The following UBQLN3 variants were observed in gnomAD, a reference collection of about 807,000 sequenced individuals.
UBQLN3 encodes ubiquilin-3.
In UBQLN3, 1 loss-of-function variant was observed where a neutral mutation model predicts 2.9. The ratio of observed to expected loss-of-function variants is 0.35; its 90% CI spans 0.12 to 1.66. The LOEUF (loss-of-function observed/expected upper bound fraction) is 1.66, where lower values mean the gene tolerates loss of function less well. UBQLN3 is among the 40% of genes most tolerant of loss of function. The pLI is 0.35. For missense variants in UBQLN3, 924 were observed against 816.5 expected (o/e 1.13, Z -1.61); for synonymous variants, 358 against 317.6 (o/e 1.13, Z -1.35).
At position 5,509,158 on chromosome 11, in the gene UBQLN3, A is replaced by G. The variant is rs1184750450; in HGVS notation, c.401T>C (p.Leu134Ser). Reference sequence around the variant, plus strand: ...CCTACTGAGGCCTGTGAGGAGACCTAAGCTAAAGGCAGGGGGCCCATCTGC... The same window carrying G: ...CCTACTGAGGCCTGTGAGGAGACCTGAGCTAAAGGCAGGGGGCCCATCTGC... ...YPADGPPAFS[L>S]GLLTGLSRLG... The change falls in exon 2 of 2, where the codon TTA becomes TCA. Residue 134 changes from leucine (L) to serine (S), a missense_variant. Coordinates refer to ENST00000311659, the MANE Select transcript of UBQLN3 (RefSeq NM_017481.4). The G allele has an allele frequency of 1.9e-6, 3 of 1,614,012 alleles. No homozygotes were observed. Among genetic ancestry groups the G allele is most frequent in the Non-Finnish European group, 2.5e-6 (3 of 1,179,934 alleles).
Position 5,509,607 on chromosome 11 carries a change from G to A in UBQLN3, c.-36-13C>T, listed in dbSNP as rs756540487. ...TGTGGGGACACAGCTAGGGGCATGG[G>A]GATTGGAGACCAAGATCATCCTTTC... is the stretch of plus-strand genomic sequence containing the variant. On this transcript the variant is annotated splice_polypyrimidine_tract_variant and intron_variant, in intron 1 of 1. Transcript: ENST00000311659. The A allele has an allele frequency of 6.4e-7, 1 of 1,564,304 alleles. No individual in the cohort carries two copies. The highest frequency in any genetic ancestry group is 2.0e-5 in the Admixed American group (1 of 51,194).
In UBQLN3 at chr11:5,509,028, G is replaced by C. The variant is rs1416557582; in HGVS notation, c.531C>G (p.Ile177Met). The change falls in exon 2 of 2, where the codon ATC (isoleucine) becomes ATG (methionine). Residue 177 changes from isoleucine to methionine, a missense_variant. Transcript: ENST00000311659. ...FVTQLIDDPF[I>M]PGLLSNTGLV... ...GGCCTGTGTTGGACAGCAGACCCGG[G>C]ATGAAGGGGTCATCAATGAGCTGAG... The C allele has an allele frequency of 6.2e-7, 1 of 1,614,174 alleles. No homozygotes were observed. The highest frequency in any genetic ancestry group is 8.5e-7 in the Non-Finnish European group (1 of 1,180,006).
In UBQLN3 at chr11:5,507,933, T is replaced by G. The variant is rs140594143; in HGVS notation, c.1626A>C (p.Leu542=). The change falls in exon 2 of 2, where the codon CTA becomes CTC. Residue 542 remains leucine (L), a synonymous_variant. Coordinates refer to ENST00000311659, the MANE Select transcript of UBQLN3 (RefSeq NM_017481.4). Reference sequence around the variant, plus strand: ...CTGCTAGGCAAGGCATGAACCAGAGTAGGAGGCGAGGTGCTTCAGTAGCTA... The same window carrying G: ...CTGCTAGGCAAGGCATGAACCAGAGGAGGAGGCGAGGTGCTTCAGTAGCTA... ...QVLATEAPRL[L]LWFMPCLAGT... 4.1e-4 allele frequency: 657 copies of G among 1,613,792 alleles called. 1 individual carries two copies. The highest frequency in any genetic ancestry group is 2.8e-3 in the Admixed American group (170 of 60,016).
Position 5,507,836 on chromosome 11 carries a change from G to A in UBQLN3, c.1723C>T (p.Pro575Ser). The A allele has an allele frequency of 6.2e-7, 1 of 1,613,944 alleles. No homozygotes were observed. Among genetic ancestry groups the A allele is most frequent in the Non-Finnish European group, 8.5e-7 (1 of 1,180,016 alleles). Residue 575 changes from proline to serine, a missense_variant, in exon 2 of 2, where the codon CCA (proline) becomes TCA (serine). By Grantham distance (74) the Pro-to-Ser change is moderately conservative. Transcript: ENST00000311659. The part of the protein sequence containing the change: ...PLMSEDPLPN[P>S]PPEVFPALDS... Reference sequence around the variant, plus strand: ...AGTGCTGGGAACACCTCAGGAGGTGGATTTGGGAGAGGATCCTCAGACATA... The same window carrying A: ...AGTGCTGGGAACACCTCAGGAGGTGAATTTGGGAGAGGATCCTCAGACATA...
At position 5,508,621 on chromosome 11, in the gene UBQLN3, G is replaced by A. The variant is rs1271669200; in HGVS notation, c.938C>T (p.Ser313Leu). 6.2e-7 allele frequency: 1 copy of A among 1,614,084 alleles called. No individual in the cohort carries two copies. Among genetic ancestry groups the A allele is most frequent in the Admixed American group, 1.7e-5 (1 of 60,014 alleles). The change falls in exon 2 of 2, where the codon TCA becomes TTA. Residue 313 changes from serine to leucine, a missense_variant. Ser to Leu is a moderately radical substitution (Grantham distance 145). Coordinates refer to ENST00000311659, the MANE Select transcript of UBQLN3 (RefSeq NM_017481.4). The surrounding 1 kb of genome is among the most constrained non-coding windows in gnomAD (Gnocchi z 4.2). ...PNPWTSTHGG[S>L]GSRQGRQDGD... ...ATCCTGCCTTCCTTGCCTGCTACCT[G>A]AGCCTCCATGTGTGGAAGTCCAGGG...
chr11:5,508,547 C>G lies in UBQLN3; in HGVS notation c.1012G>C (p.Gly338Arg), dbSNP rs554176915. The change falls in exon 2 of 2, where the codon GGT becomes CGT. Residue 338 changes from glycine (G) to arginine (R), a missense_variant. Coordinates refer to ENST00000311659, the MANE Select transcript of UBQLN3 (RefSeq NM_017481.4). The surrounding 1 kb of genome is among the most constrained non-coding windows in gnomAD (Gnocchi z 4.2). ...DIRNRFPNFL[G>R]IIRLYDYLQQ... ...AGATAGTCATAGAGCCTTATAATACCCAGAAAGTTTGGAAACCTATTTCTA... is the reference window on the plus strand; with the variant it reads ...AGATAGTCATAGAGCCTTATAATACGCAGAAAGTTTGGAAACCTATTTCTA... 5 of 1,614,096 alleles carry G rather than the reference C, an allele frequency of 3.1e-6. No homozygotes were observed. The Admixed American group carries it at 8.3e-5, about 27-fold the overall frequency.
rs566202764 is a variant in UBQLN3 at position 5,509,182 on chromosome 11, G to C, written c.377C>G (p.Ala126Gly). The change falls in exon 2 of 2, where the codon GCA becomes GGA. Residue 126 changes from alanine to glycine, a missense_variant. Physicochemically the swap from Ala to Gly is moderately conservative, Grantham distance 60 (BLOSUM62 0). Coordinates refer to ENST00000311659, the MANE Select transcript of UBQLN3 (RefSeq NM_017481.4). ...SLPQPSSIYP[A>G]DGPPAFSLGL... ...TAAGCTAAAGGCAGGGGGCCCATCT[G>C]CTGGGTAAATGGAGCTTGGCTGAGG... 2 of 1,613,950 alleles carry C rather than the reference G, an allele frequency of 1.2e-6. No individual in the cohort carries two copies. The highest frequency in any genetic ancestry group is 2.2e-5 in the South Asian group (2 of 91,068).
At position 5,508,241 on chromosome 11, in the gene UBQLN3, T is replaced by C. The variant is rs768558010; in HGVS notation, c.1318A>G (p.Asn440Asp). The change falls in exon 2 of 2, where the codon AAC becomes GAC. Residue 440 changes from asparagine to aspartate, a missense_variant. Coordinates refer to ENST00000311659, the MANE Select transcript of UBQLN3 (RefSeq NM_017481.4). The surrounding 1 kb of genome is among the most constrained non-coding windows in gnomAD (Gnocchi z 4.2). Reference protein sequence around the residue: ...AGKSSTGHSTNLPDLVSGLGD... With the variant: ...AGKSSTGHSTDLPDLVSGLGD... ...AGCCCCGAGACAAGATCAGGCAAGT[T>C]TGTGCTATGTCCAGTAGAGCTTTTC... is the stretch of plus-strand genomic sequence containing the variant. 6 of 1,613,870 alleles carry C rather than the reference T, an allele frequency of 3.7e-6. No individual in the cohort carries two copies. The East Asian group carries it at 1.1e-4, about 30-fold the overall frequency.
At position 5,509,235 on chromosome 11, in the gene UBQLN3, A is replaced by G. The variant is rs1187275349; in HGVS notation, c.324T>C (p.Pro108=). ...MGNECPAASV[P]TQGPSPGSLP... is the part of the protein sequence containing the mutation. ...GTGATCCAGGACTTGGGCCCTGGGTAGGGACAGAGGCAGCTGGGCACTCAT... is the reference window on the plus strand; with the variant it reads ...GTGATCCAGGACTTGGGCCCTGGGTGGGGACAGAGGCAGCTGGGCACTCAT... Residue 108 remains proline (P), a synonymous_variant, in exon 2 of 2, where the codon CCT becomes CCC. Coordinates refer to ENST00000311659, the MANE Select transcript of UBQLN3 (RefSeq NM_017481.4). 6.2e-7 allele frequency: 1 copy of G among 1,614,030 alleles called. No individual in the cohort carries two copies.
rs751407564 is a variant in UBQLN3 at position 5,508,881 on chromosome 11, G to GT, written c.677dup (p.Asn226LysfsTer11). On this transcript the variant is annotated frameshift_variant, in exon 2 of 2. Transcript: ENST00000311659. LOFTEE classifies it low-confidence loss of function (END_TRUNC). This position sits in a 1 kb window ranked among gnomAD's most constrained non-coding sequence, Gnocchi z 4.2. ...GTATCATCTCCTGCATCATGGCAGG[G>GT]TTACGTAAAAACTCCAGTGTCTGCC... 4 of 1,614,198 alleles carry GT rather than the reference G, an allele frequency of 2.5e-6. No homozygotes were observed. Among genetic ancestry groups the GT allele is most frequent in the Middle Eastern group, 1.6e-4 (1 of 6,062 alleles).
In UBQLN3 at chr11:5,507,789, G is replaced by A; in HGVS notation, c.1770C>T (p.Phe590=). 1.2e-6 allele frequency: 2 copies of A among 1,614,064 alleles called. No individual in the cohort carries two copies. Among genetic ancestry groups the A allele is most frequent in the Non-Finnish European group, 1.7e-6 (2 of 1,179,998 alleles). Reference sequence around the variant, plus strand: ...GCATATGGAGAAAGGGAGGGGAAAGGAAGCCCAGCTCTGCAGAGTCCAGTG... The same window carrying A: ...GCATATGGAGAAAGGGAGGGGAAAGAAAGCCCAGCTCTGCAGAGTCCAGTG... ...FPALDSAELG[F]LSPPFLHMLQ... The change falls in exon 2 of 2, where the codon TTC becomes TTT. Residue 590 remains phenylalanine (F), a synonymous_variant. Coordinates refer to ENST00000311659, the MANE Select transcript of UBQLN3 (RefSeq NM_017481.4).
Position 5,508,770 on chromosome 11 carries a change from G to T in UBQLN3, c.789C>A (p.Asp263Glu). ...VLCTMYTDIM[D>E]PMLNAVQEQF... is the part of the protein sequence containing the mutation. ...GCTCCTGGACTGCGTTAAGCATTGG[G>T]TCCATAATATCTGTGTACATAGTGC... The change falls in exon 2 of 2, where the codon GAC (aspartate) becomes GAA (glutamate). Residue 263 changes from aspartate (D) to glutamate (E), a missense_variant. Physicochemically the swap from Asp to Glu is conservative, Grantham distance 45 (BLOSUM62 2). Coordinates refer to ENST00000311659, the MANE Select transcript of UBQLN3 (RefSeq NM_017481.4). This position sits in a 1 kb window ranked among gnomAD's most constrained non-coding sequence, Gnocchi z 4.2. 6.2e-7 allele frequency: 1 copy of T among 1,614,092 alleles called. No individual in the cohort carries two copies. Among genetic ancestry groups the T allele is most frequent in the Non-Finnish European group, 8.5e-7 (1 of 1,180,030 alleles).
rs762207092 is a variant in UBQLN3 at position 5,507,668 on chromosome 11, G to C, written c.1891C>G (p.Arg631Gly). ...ATGAGGGCCTGAAGATTGGCTTCACGATTCAGAAAGCCCATGGACCGCAGT... is the reference window on the plus strand; with the variant it reads ...ATGAGGGCCTGAAGATTGGCTTCACCATTCAGAAAGCCCATGGACCGCAGT... ...EQLRSMGFLNREANLQALIAT... is the reference protein window; with the variant it reads ...EQLRSMGFLNGEANLQALIAT... The change falls in exon 2 of 2, where the codon CGT (arginine) becomes GGT (glycine). Residue 631 changes from arginine to glycine, a missense_variant. Physicochemically the swap from Arg to Gly is moderately radical, Grantham distance 125. Transcript: ENST00000311659. The C allele has an allele frequency of 2.5e-6, 4 of 1,613,954 alleles. No individual in the cohort carries two copies. Among genetic ancestry groups the C allele is most frequent in the Admixed American group, 3.3e-5 (2 of 59,996 alleles).
rs1372778693 is a variant in UBQLN3, at chr11:5,509,569, G to A, written c.-11C>T. On this transcript the variant is annotated 5_prime_UTR_variant, in exon 2 of 2. Coordinates refer to ENST00000311659, the MANE Select transcript of UBQLN3 (RefSeq NM_017481.4). ...TCCACCTTTGGCCATGGTGGCAGCA[G>A]GAGGCCCAGATCTGTGGGGACACAG... 4 of 1,609,236 alleles carry A rather than the reference G, an allele frequency of 2.5e-6. No homozygotes were observed. The highest frequency in any genetic ancestry group is 3.4e-6 in the Non-Finnish European group (4 of 1,177,512).
Position 5,508,862 on chromosome 11 carries a change from T to G in UBQLN3, c.697A>C (p.Met233Leu), listed in dbSNP as rs867072421. 12 of 1,614,150 alleles carry G rather than the reference T, an allele frequency of 7.4e-6. No individual in the cohort carries two copies. Among genetic ancestry groups the G allele is most frequent in the Non-Finnish European group, 1.7e-6 (2 of 1,180,030 alleles). ...AGCACCCGGTCCTGGCTACGTATCA[T>G]CTCCTGCATCATGGCAGGGTTACGT... ...FLRNPAMMQE[M>L]IRSQDRVLSN... The change falls in exon 2 of 2, where the codon ATG becomes CTG. Residue 233 changes from methionine (M) to leucine (L), a missense_variant. Transcript: ENST00000311659. The surrounding 1 kb of genome is among the most constrained non-coding windows in gnomAD (Gnocchi z 4.2).
Position 5,507,808 on chromosome 11 carries a change from T to C in UBQLN3, c.1751A>G (p.Asp584Gly). 6.2e-7 allele frequency: 1 copy of C among 1,613,902 alleles called. No individual in the cohort carries two copies. The highest frequency in any genetic ancestry group is 8.5e-7 in the Non-Finnish European group (1 of 1,179,988). The change falls in exon 2 of 2, where the codon GAC (aspartate) becomes GGC (glycine). Residue 584 changes from aspartate (D) to glycine (G), a missense_variant. Physicochemically the swap from Asp to Gly is moderately conservative, Grantham distance 94 (BLOSUM62 -1). Transcript: ENST00000311659. ...GGAAAGGAAGCCCAGCTCTGCAGAG[T>C]CCAGTGCTGGGAACACCTCAGGAGG... is the stretch of plus-strand genomic sequence containing the variant. ...NPPPEVFPAL[D>G]SAELGFLSPP...
chr11:5,508,528 T>A lies in UBQLN3; in HGVS notation c.1031A>T (p.Asp344Val). Residue 344 changes from aspartate (D) to valine (V), a missense_variant, in exon 2 of 2, where the codon GAC (aspartate) becomes GTC (valine). By Grantham distance (152) the Asp-to-Val change is radical (BLOSUM62 -3). Transcript: ENST00000311659. This position sits in a 1 kb window ranked among gnomAD's most constrained non-coding sequence, Gnocchi z 4.2. ...GTTCTCGTGTAATTGCTGGAGATAG[T>A]CATAGAGCCTTATAATACCCAGAAA... ...PNFLGIIRLY[D>V]YLQQLHENPQ... is the part of the protein sequence containing the mutation. The A allele has an allele frequency of 1.2e-6, 2 of 1,614,084 alleles. No homozygotes were observed. The highest frequency in any genetic ancestry group is 1.3e-5 in the African/African-American group (1 of 75,010).
Position 5,507,695 on chromosome 11 carries a change from G to A in UBQLN3, c.1864C>T (p.Gln622Ter). 1 of 1,614,118 alleles carries A rather than the reference G, an allele frequency of 6.2e-7. No homozygotes were observed. ...TTCAGAAAGCCCATGGACCGCAGTT[G>A]CTCCAGCTGCACCTGAAAGTGAGCC... Reference protein sequence around the residue: ...PEAHFQVQLEQLRSMGFLNRE... With the variant: ...PEAHFQVQLE The change falls in exon 2 of 2, where the codon CAA becomes TAA. Residue 622 changes from glutamine (Q) to a stop codon, truncating the protein, a stop_gained. Transcript: ENST00000311659. LOFTEE classifies it high-confidence loss of function.
Position 5,508,558 on chromosome 11 carries a change from G to A in UBQLN3, c.1001C>T (p.Pro334Leu). Residue 334 changes from proline (P) to leucine (L), a missense_variant, in exon 2 of 2, where the codon CCA becomes CTA. Coordinates refer to ENST00000311659, the MANE Select transcript of UBQLN3 (RefSeq NM_017481.4). This position sits in a 1 kb window ranked among gnomAD's most constrained non-coding sequence, Gnocchi z 4.2. ...QDAPDIRNRF[P>L]NFLGIIRLYD... ...GAGCCTTATAATACCCAGAAAGTTT[G>A]GAAACCTATTTCTAATGTCAGGTGC... 6.2e-7 allele frequency: 1 copy of A among 1,614,092 alleles called. No homozygotes were observed. The highest frequency in any genetic ancestry group is 8.5e-7 in the Non-Finnish European group (1 of 1,180,024).
Sources: gnomAD v4.1 joint callset for allele counts on GRCh38, gnomAD v4.1.1 for gene constraint, Gnocchi (gnomAD v3.1) non-coding constraint, MANE v1.5 for transcripts, NCBI Gene and HGNC (gene_info 2026-07-23, HGNC 2026-07-21) for gene names.